YWHAE: variants seen among roughly 807,000 people sequenced by gnomAD.
YWHAE encodes tyrosine 3-monooxygenase/tryptophan 5-monooxygenase activation protein epsilon, also known as 14-3-3 protein epsilon.
A neutral mutation model predicts 30.1 loss-of-function variants in YWHAE; 4 were observed. The observed-to-expected ratio is 0.13, with a 90% CI of 0.07 to 0.30. The LOEUF (loss-of-function observed/expected upper bound fraction) is 0.30, where lower values mean the gene tolerates loss of function less well. Among genes scored for constraint, YWHAE ranks in the 10% least tolerant of loss-of-function variants. The pLI is 1.00. For missense variants in YWHAE, 121 were observed against 315.9 expected, an observed-to-expected ratio of 0.38 and a Z score of 4.68; for synonymous variants, 118 against 111.8, an observed-to-expected ratio of 1.06 and a Z score of -0.35.
intron 4 of YWHAE, among the ~76,000 whole-genome samples, chr17:1,357,769 A>C (rs917079824): frequency 1.3e-5 from 2 of 150,894 alleles, no homozygotes; most frequent in Non-Finnish European, 3.0e-5. Flanking sequence ...CTACATAAAA[A>C]TACAAAAATT....
intron 5 of YWHAE, among the ~76,000 whole-genome samples, chr17:1,349,366 C>T (rs1201855563): frequency 6.6e-6 from 1 of 152,082 alleles, no homozygotes; most frequent in African/African-American, 2.4e-5. Context: ...TTGACAAATT[C>T]AACTTCTCAA....
intron 1 of YWHAE, among the ~76,000 whole-genome samples, chr17:1,388,117 G>GTTT (rs1491196737): frequency 1.5e-5 from 1 of 65,112 alleles, no homozygotes; most frequent in Non-Finnish European, 2.3e-5. Flanking sequence ...TTTTTTGGTT[G>GTTT]GTTTTTTTTT....
intron 1 of YWHAE, among the ~76,000 whole-genome samples, chr17:1,388,330 C>T (rs2073339079): frequency 6.6e-6 from 1 of 150,670 alleles, no homozygotes; most frequent in African/African-American, 2.4e-5. Context: ...TCCTGGCTAA[C>T]ACGGTGAAAC....
At chr17:1,361,731 G>C in intron 3 of YWHAE, 171 bp downstream of exon 3, 1 of 535,640 alleles carries the variant, frequency 1.9e-6, no homozygotes, top group Non-Finnish European at 3.3e-6. Flanking sequence ...ATAAGCAAAA[G>C]CTAATACATT....
At chr17:1,377,846 C>T (rs1248975583) in intron 1 of YWHAE, among the ~76,000 whole-genome samples, 1 of 151,990 alleles carries the variant, frequency 6.6e-6, no homozygotes, top group East Asian at 1.9e-4. Context: ...GTCAGGAGTT[C>T]GAGACCAGCC....
At chr17:1,396,034 G>T (rs756616779) in intron 1 of YWHAE, among the ~76,000 whole-genome samples, 1 of 152,134 alleles carries the variant, frequency 6.6e-6, no homozygotes, top group South Asian at 2.1e-4. Flanking sequence ...CAGGAGAATC[G>T]CTTGAACCCA....
chr17:1,399,923 C>T (rs2073541815), intron 1 of YWHAE, 124 bp downstream of exon 1: 3 of 1,222,910 alleles, frequency 2.5e-6, no homozygotes, highest in Non-Finnish European at 3.6e-6. Flanking sequence ...TTTCCTGCTT[C>T]CCGAACCCAA....
At chr17:1,394,460 A>AAAAAAAAAAAAAAAAC (rs1555647412) in intron 1 of YWHAE, among the ~76,000 whole-genome samples, 5 of 137,628 alleles carry the variant, frequency 3.6e-5, no homozygotes, top group African/African-American at 1.4e-4. Context: ...AAAAAAAAAA[A>AAAAAAAAAAAAAAAAC]ACACAAAAAT....
chr17:1,398,873 T>C (rs1431251779), intron 1 of YWHAE: 1 of 152,090 alleles, frequency 6.6e-6, no homozygotes, highest in Admixed American at 6.6e-5. Context: ...GACCTACTAA[T>C]ATTTCTACAT....
At chr17:1,374,605 T>C (rs1262010241) in intron 1 of YWHAE, among the ~76,000 whole-genome samples, 3 of 152,150 alleles carry the variant, frequency 2.0e-5, no homozygotes, top group African/African-American at 7.2e-5. Flanking sequence ...TGTTAGTTAT[T>C]CTTTAAACTA....
rs537869944 is a variant in YWHAE at position 1,380,389 on chromosome 17, G to A, written c.65-15331C>T. On this transcript the variant is annotated intron_variant, in intron 1 of 5. Transcript: ENST00000264335. ...AGCCTTCCAAAGTGCGTGAGCCACC[G>A]CGCCCAGCCCAGACTAGATTTTCAT... Among the ~76,000 whole-genome samples the A allele has an allele frequency of 9.2e-5, 14 of 152,202 alleles. 1 individual carries two copies. Among genetic ancestry groups the A allele is most frequent in the South Asian group, 8.3e-4 (4 of 4,826 alleles).
chr17:1,368,432 C>A (rs62087939), intron 1 of YWHAE, among the ~76,000 whole-genome samples: 6 of 151,726 alleles, frequency 4.0e-5, no homozygotes, highest in African/African-American at 1.5e-4. Context: ...GGCATGGTGG[C>A]AGGCATCTAT....
chr17:1,385,004 G>T (rs909316420), intron 1 of YWHAE, among the ~76,000 whole-genome samples: 7 of 151,790 alleles, frequency 4.6e-5, no homozygotes, highest in Admixed American at 3.9e-4. Flanking sequence ...TTTCAGGTTT[G>T]TTTTTTCTTT....
chr17:1,381,910 CAAAA>C (rs397754278), intron 1 of YWHAE, among the ~76,000 whole-genome samples: 3 of 43,926 alleles, frequency 6.8e-5, no homozygotes, highest in Non-Finnish European at 1.5e-4. Context: ...GACACTATGT[CAAAA>C]AAAAAAAAAA....
At chr17:1,367,831 T>C (rs531618002) in intron 1 of YWHAE, among the ~76,000 whole-genome samples, 61 of 152,272 alleles carry the variant, frequency 4.0e-4, no homozygotes, top group Middle Eastern at 3.4e-3. Flanking sequence ...CAAATGGTTA[T>C]CAAGGTACAG....
At chr17:1,364,063 G>A (rs2072905036) in intron 2 of YWHAE, among the ~76,000 whole-genome samples, 1 of 152,076 alleles carries the variant, frequency 6.6e-6, no homozygotes, top group South Asian at 2.1e-4. Context: ...GAAAACTGCT[G>A]CATTACAGTG....
chr17:1,369,054 T>A (rs2072990154), intron 1 of YWHAE, among the ~76,000 whole-genome samples: 1 of 152,238 alleles, frequency 6.6e-6, no homozygotes, highest in Non-Finnish European at 1.5e-5. Context: ...TCAGTGATAC[T>A]CTACTGTTCC....
chr17:1,391,838 G>A (rs1320293366), intron 1 of YWHAE, among the ~76,000 whole-genome samples: 1 of 152,232 alleles, frequency 6.6e-6, no homozygotes, highest in Admixed American at 6.5e-5. Flanking sequence ...TGGTCATGGC[G>A]GTACCAGCTA....
rs1222420713 is a variant in YWHAE at position 1,344,316 on chromosome 17, G to A, written c.*1131C>T. The A allele has an allele frequency of 1.2e-5, 2 of 162,880 alleles. No homozygotes were observed. Among genetic ancestry groups the A allele is most frequent in the African/African-American group, 4.8e-5 (2 of 41,722 alleles). 10.1% of individuals were successfully genotyped at this position (162,880 alleles called of 1,614,324 possible). On this transcript the variant is annotated 3_prime_UTR_variant, in exon 6 of 6. Coordinates refer to ENST00000264335, the MANE Select transcript of YWHAE (RefSeq NM_006761.5). Reference sequence around the variant, plus strand: ...CTTTAATGATTAAAATAAATACCATGTTGCTGCCTGGTCTGGAGGACAAGA... The same window carrying A: ...CTTTAATGATTAAAATAAATACCATATTGCTGCCTGGTCTGGAGGACAAGA...
Sources: allele counts gnomAD v4.1 joint callset (sites outside exome capture counted in the v4.1 genomes callset), GRCh38; gene constraint gnomAD v4.1.1; transcripts MANE v1.5; gene names NCBI Gene and HGNC (gene_info 2026-07-23, HGNC 2026-07-21).